The following AUTS2 variants were observed in gnomAD, a reference collection of about 807,000 sequenced individuals.
AUTS2 encodes the protein autism susceptibility gene 2 protein.
AUTS2 carries 17 observed loss-of-function variants against 112.4 expected under a neutral mutation model. That is an observed-to-expected ratio of 0.15 (90% CI 0.10 to 0.23). AUTS2 has a LOEUF of 0.23. Ranked by LOEUF, AUTS2 falls within the 10% of genes least tolerant of loss-of-function variation. The pLI, the probability that AUTS2 is intolerant of heterozygous loss-of-function variation, is 1.00. For missense variants in AUTS2, 1,510 were observed against 1,701.6 expected (o/e 0.89, Z 1.98); for synonymous variants, 751 against 702.7 (o/e 1.07, Z -1.09).
At chr7:70,117,679 A>G (rs1419795709) in intron 2 of AUTS2, among the ~76,000 whole-genome samples, 2 of 151,816 alleles carry the variant, frequency 1.3e-5, no homozygotes, top group Admixed American at 1.3e-4. Flanking sequence ...TATTTTTTCT[A>G]TGGCAGCTTG....
At chr7:70,074,194 T>A (rs1237229312) in intron 2 of AUTS2, among the ~76,000 whole-genome samples, 3 of 152,224 alleles carry the variant, frequency 2.0e-5, no homozygotes, top group African/African-American at 7.2e-5. Flanking sequence ...TGATTATGGT[T>A]TAGCTGACTT....
chr7:69,614,391 T>C, intron 1 of AUTS2, among the ~76,000 whole-genome samples: 1 of 147,326 alleles, frequency 6.8e-6, no homozygotes, highest in Non-Finnish European at 1.5e-5. Flanking sequence ...GATCTCACTC[T>C]GTTTCCCAGG....
At chr7:70,027,286 T>C (rs1033759758) in intron 2 of AUTS2, among the ~76,000 whole-genome samples, 1 of 152,232 alleles carries the variant, frequency 6.6e-6, no homozygotes, top group Admixed American at 6.5e-5. Context: ...TGTTGGTTTT[T>C]GTTATTTTAG....
chr7:69,914,926 AT>A (rs1795514592), intron 2 of AUTS2, among the ~76,000 whole-genome samples: 1 of 152,104 alleles, frequency 6.6e-6, no homozygotes, highest in Non-Finnish European at 1.5e-5. Flanking sequence ...CAATTAATTC[AT>A]TTTCCACATA....
chr7:69,983,506 G>A (rs1358400223), intron 2 of AUTS2, among the ~76,000 whole-genome samples: 1 of 148,490 alleles, frequency 6.7e-6, no homozygotes, highest in Non-Finnish European at 1.5e-5. Flanking sequence ...AGAAGGTGTC[G>A]CTTTGTACTG....
intron 2 of AUTS2, among the ~76,000 whole-genome samples, chr7:70,019,048 TCATA>T (rs950021711): frequency 2.4e-4 from 36 of 152,292 alleles, no homozygotes; most frequent in Admixed American, 2.0e-3. Context: ...AAATAAAATG[TCATA>T]CATATATACC....
In AUTS2 at chr7:70,790,153, G is replaced by A. The variant is rs746407612; in HGVS notation, c.2937G>A (p.Glu979=). 1.9e-6 allele frequency: 3 copies of A among 1,611,628 alleles called. No homozygotes were observed. The highest frequency in any genetic ancestry group is 2.2e-5 in the East Asian group (1 of 44,752). Residue 979 remains glutamate, a synonymous_variant, in exon 19 of 19, where the codon GAG becomes GAA. Transcript: ENST00000342771. The surrounding 1 kb of genome is among the most constrained non-coding windows in gnomAD (Gnocchi z 7.6). The part of the protein sequence containing the change: ...PAYENPKKSS[E]VKVKEERKED... ...ACGAGAACCCCAAGAAGAGCTCCGA[G>A]GTCAAGGTGAAGGAGGAGCGGAAGG...
At chr7:69,741,294 G>A (rs1215126546) in intron 1 of AUTS2, among the ~76,000 whole-genome samples, 1 of 152,144 alleles carries the variant, frequency 6.6e-6, no homozygotes, top group Non-Finnish European at 1.5e-5. Context: ...CCATTTTCCA[G>A]CTCATTCCTT....
At chr7:69,789,205 A>G (rs893684837) in intron 1 of AUTS2, among the ~76,000 whole-genome samples, 4 of 152,152 alleles carry the variant, frequency 2.6e-5, no homozygotes, top group Non-Finnish European at 4.4e-5. Context: ...TTGTGTGGAC[A>G]ATTTCCATTC....
intron 9 of AUTS2, among the ~76,000 whole-genome samples, chr7:70,767,776 ATAG>A (rs1790031712): frequency 6.6e-6 from 1 of 152,214 alleles, no homozygotes; most frequent in Admixed American, 6.5e-5. Context: ...TAGAAAGAAA[ATAG>A]TAGGAAGAAA....
intron 5 of AUTS2, among the ~76,000 whole-genome samples, chr7:70,638,192 C>T (rs955794612): frequency 6.6e-6 from 1 of 152,110 alleles, no homozygotes; most frequent in Middle Eastern, 3.2e-3. Context: ...ACCTGCTGAT[C>T]ACCTTCATGT....
At chr7:70,721,715 T>C (rs17604300) in intron 6 of AUTS2, among the ~76,000 whole-genome samples, 31,147 of 152,198 alleles carry the variant, frequency 0.2, 3,399 homozygotes, top group Middle Eastern at 0.31. Context: ...CGTAGCTCAC[T>C]TTCTTTTTAT....
chr7:70,735,256 C>T (rs530437106), intron 6 of AUTS2, among the ~76,000 whole-genome samples: 1 of 152,292 alleles, frequency 6.6e-6, no homozygotes, highest in South Asian at 2.1e-4. Context: ...TGCCTCACTT[C>T]GACCTTTCTG....
At chr7:69,852,473 G>GTGAGAT (rs1165949448) in intron 1 of AUTS2, among the ~76,000 whole-genome samples, 4 of 151,770 alleles carry the variant, frequency 2.6e-5, no homozygotes, top group Non-Finnish European at 5.9e-5. Flanking sequence ...TCACTCTGGA[G>GTGAGAT]TGAGATTCAG....
chr7:69,668,814 A>G (rs557740062), intron 1 of AUTS2, among the ~76,000 whole-genome samples: 1 of 152,342 alleles, frequency 6.6e-6, no homozygotes, highest in East Asian at 1.9e-4. Flanking sequence ...ATCATGTTCT[A>G]CTAAAAGTGA....
chr7:69,700,646 ATTC>A (rs1336988022), intron 1 of AUTS2, among the ~76,000 whole-genome samples: 3 of 152,182 alleles, frequency 2.0e-5, no homozygotes, highest in Admixed American at 6.5e-5. Flanking sequence ...ATCTTCCATT[ATTC>A]TTCTTTTACT....
chr7:70,519,094 C>T (rs1799540047), intron 5 of AUTS2, among the ~76,000 whole-genome samples: 1 of 152,114 alleles, frequency 6.6e-6, no homozygotes, highest in South Asian at 2.1e-4. Flanking sequence ...CCTTTATTTA[C>T]ACTGTTTGCT....
intron 2 of AUTS2, among the ~76,000 whole-genome samples, chr7:70,093,756 A>G (rs1804041477): frequency 6.6e-6 from 1 of 152,352 alleles, no homozygotes; most frequent in South Asian, 2.1e-4. Flanking sequence ...CAGAGGTGTC[A>G]TGGAACATGT....
At chr7:70,568,423 G>C (rs1335855262) in intron 5 of AUTS2, among the ~76,000 whole-genome samples, 1 of 152,192 alleles carries the variant, frequency 6.6e-6, no homozygotes, top group Non-Finnish European at 1.5e-5. Context: ...AATGCCTGGT[G>C]TGTTAAAGTG....
Sources: gnomAD v4.1 joint callset for allele counts (sites outside exome capture counted in the v4.1 genomes callset) on GRCh38, gnomAD v4.1.1 for gene constraint, Gnocchi (gnomAD v3.1) non-coding constraint, MANE v1.5 for transcripts, NCBI Gene and HGNC (gene_info 2026-07-23, HGNC 2026-07-21) for gene names.